KCNT2: variants seen among roughly 807,000 people sequenced by gnomAD.
The protein encoded by KCNT2 is potassium channel subfamily T member 2.
A neutral mutation model predicts 153.8 loss-of-function variants in KCNT2; 67 were observed. The observed-to-expected ratio is 0.44, with a 90% CI of 0.36 to 0.53. The LOEUF is 0.53. Ranked by LOEUF, KCNT2 falls within the 20% of genes least tolerant of loss-of-function variation. KCNT2 has a pLI of 0.00. For synonymous variants in KCNT2, 500 were observed against 458.8 expected (o/e 1.09, Z -1.15); for missense variants, 975 against 1,354.8 (o/e 0.72, Z 4.40).
intron 14 of KCNT2, among the ~76,000 whole-genome samples, chr1:196,369,550 C>T (rs1668337363): frequency 2.0e-5 from 3 of 151,214 alleles, no homozygotes; most frequent in Admixed American, 2.0e-4. Context: ...TGTTCAATTC[C>T]CACCTATGAG....
chr1:196,257,656 T>C (rs1029575202), intron 26 of KCNT2: 2 of 966,180 alleles, frequency 2.1e-6, no homozygotes, highest in African/African-American at 1.8e-5. Context: ...GGATCATATA[T>C]AGGAACTGAA....
chr1:196,430,239 C>T (rs1278817265), intron 8 of KCNT2, among the ~76,000 whole-genome samples: 1 of 151,822 alleles, frequency 6.6e-6, no homozygotes, highest in Non-Finnish European at 1.5e-5. Context: ...CTGTCCCCTC[C>T]AAAACTCATG....
chr1:196,419,752 T>A (rs1673047835), intron 12 of KCNT2, among the ~76,000 whole-genome samples: 1 of 152,030 alleles, frequency 6.6e-6, no homozygotes, highest in South Asian at 2.1e-4. Context: ...TCTGAAGACA[T>A]TCCAATTTTC....
At chr1:196,561,135 T>A (rs527828313) in intron 1 of KCNT2, among the ~76,000 whole-genome samples, 1 of 151,850 alleles carries the variant, frequency 6.6e-6, no homozygotes, top group Non-Finnish European at 1.5e-5. Context: ...ATTAAAAATG[T>A]ATAGGCCATA....
At chr1:196,354,414 ATTTATT>A (rs1667007853) in intron 14 of KCNT2, among the ~76,000 whole-genome samples, 1 of 151,782 alleles carries the variant, frequency 6.6e-6, no homozygotes, top group Non-Finnish European at 1.5e-5. Flanking sequence ...ATATATTTAT[ATTTATT>A]ATCAAACTAA....
In KCNT2 at chr1:196,509,351, G is replaced by A. The variant is rs571170782; in HGVS notation, c.96-17010C>T. ...AACAGACGAAGCTTAAATATCCACT[G>A]ACAGGGATAACTTGTGGCATATTAA... is the stretch of plus-strand genomic sequence containing the variant. On this transcript the variant is annotated intron_variant, in intron 1 of 27. Coordinates refer to ENST00000294725, the MANE Select transcript of KCNT2 (RefSeq NM_198503.5). Among the ~76,000 whole-genome samples, 6 of 150,362 alleles carry A rather than the reference G, an allele frequency of 4.0e-5. No homozygotes were observed. The East Asian group carries it at 1.2e-3, about 29-fold the overall frequency.
Position 196,592,962 on chromosome 1 carries a change from T to C in KCNT2, c.95+15253A>G, listed in dbSNP as rs944205494. 1.7e-4 allele frequency among the ~76,000 whole-genome samples: 26 copies of C among 150,558 alleles called. 1 individual carries two copies. The highest frequency in any genetic ancestry group is 1.4e-3 in the Admixed American group (21 of 15,050). On this transcript the variant is annotated intron_variant, in intron 1 of 27. Coordinates refer to ENST00000294725, the MANE Select transcript of KCNT2 (RefSeq NM_198503.5). ...TTCCATAAAATGTGGGGGGAACAGG[T>C]AGTATTTGGTTACATGAGGAAGTTC...
chr1:196,455,794 C>T (rs1490914798), intron 8 of KCNT2, among the ~76,000 whole-genome samples: 3 of 151,928 alleles, frequency 2.0e-5, no homozygotes, highest in South Asian at 2.1e-4. Flanking sequence ...CGTCTTTGCT[C>T]CTGGGGGCCA....
chr1:196,374,949 T>C (rs533345947), intron 13 of KCNT2, among the ~76,000 whole-genome samples: 1 of 151,988 alleles, frequency 6.6e-6, no homozygotes, highest in South Asian at 2.1e-4. Context: ...ATATATGCAA[T>C]GTAGCATGCA....
intron 1 of KCNT2, among the ~76,000 whole-genome samples, chr1:196,534,200 A>G (rs1402853635): frequency 6.6e-6 from 1 of 152,202 alleles, no homozygotes; most frequent in Non-Finnish European, 1.5e-5. Context: ...ATGGTTATCC[A>G]TATTTTAATG....
intron 1 of KCNT2, among the ~76,000 whole-genome samples, chr1:196,525,795 C>G (rs535015039): frequency 6.6e-6 from 1 of 151,630 alleles, no homozygotes. Flanking sequence ...TCTTAGCTAG[C>G]GTTTTATTAT....
intron 1 of KCNT2, among the ~76,000 whole-genome samples, chr1:196,558,537 T>A (rs1162497163): frequency 6.6e-6 from 1 of 151,378 alleles, no homozygotes; most frequent in East Asian, 1.9e-4. Context: ...AATTATTATG[T>A]AATTTACAAG....
chr1:196,561,519 AAC>A (rs781655198), intron 1 of KCNT2, among the ~76,000 whole-genome samples: 8 of 151,542 alleles, frequency 5.3e-5, no homozygotes, highest in Non-Finnish European at 7.4e-5. Flanking sequence ...TGATATTGTA[AAC>A]CAAAAAGTAT....
At chr1:196,467,850 C>T in intron 6 of KCNT2, 64 bp from the exon 7 acceptor site, 3 of 872,028 alleles carry the variant, frequency 3.4e-6, no homozygotes, top group Admixed American at 5.0e-5. Context: ...ACCCAGTATA[C>T]TAAAAAGAAA....
chr1:196,335,332 C>T (rs75996410), intron 16 of KCNT2, among the ~76,000 whole-genome samples: 6,911 of 152,086 alleles, frequency 0.045, 235 homozygotes, highest in South Asian at 0.084. Flanking sequence ...ATGAGGTAGC[C>T]TACTATCCTA....
chr1:196,305,227 G>A lies in KCNT2; in HGVS notation c.2595+7C>T, dbSNP rs60422157. ...AATCTAATTTACTTGATAATGTGGG[G>A]TCTTACCTTTTCCAGTTTTGAAAGA... is the stretch of plus-strand genomic sequence containing the variant. On this transcript the variant is annotated splice_region_variant and intron_variant, in intron 22 of 27. Transcript: ENST00000294725. 388 of 1,465,556 alleles carry A rather than the reference G, an allele frequency of 2.6e-4. 1 individual carries two copies. In the African/African-American group the frequency reaches 4.7e-3, roughly 18 times the overall value. 90.8% of individuals were successfully genotyped at this position (1,465,556 alleles called of 1,614,324 possible). A position where few individuals can be genotyped will look rare whatever the true frequency, so the allele number is the denominator to read the frequency against.
chr1:196,489,199 A>G (rs1192680093), intron 3 of KCNT2, among the ~76,000 whole-genome samples: 1 of 151,972 alleles, frequency 6.6e-6, no homozygotes, highest in African/African-American at 2.4e-5. Context: ...GAGGTAGAGT[A>G]GGCAAAAGTT....
At position 196,340,559 on chromosome 1, in the gene KCNT2, C is replaced by A. The variant is rs779838940; in HGVS notation, c.1565G>T (p.Cys522Phe). 1 of 1,554,256 alleles carries A rather than the reference C, an allele frequency of 6.4e-7. No homozygotes were observed. ...SFHAHKKFGV[C>F]LIGVRREDNK... ...ATCCTCCCTCCTAACACCAATCAAG[C>A]AGACGCCAAACCTTAATTTAAAAAA... Residue 522 changes from cysteine to phenylalanine, a missense_variant, in exon 16 of 28, where the codon TGC becomes TTC. Physicochemically the swap from Cys to Phe is radical, Grantham distance 205. This residue lies in a region of KCNT2 where 325 missense variants were observed against 388.1 expected (regional missense o/e 0.84). Coordinates refer to ENST00000294725, the MANE Select transcript of KCNT2 (RefSeq NM_198503.5).
intron 26 of KCNT2, among the ~76,000 whole-genome samples, chr1:196,256,709 A>AATATATATAT (rs144323772): frequency 6.2e-5 from 9 of 144,178 alleles, no homozygotes; most frequent in South Asian, 4.4e-4. Context: ...TTATCATGGA[A>AATATATATAT]ATATATATAT....
Sources: allele counts gnomAD v4.1 joint callset (sites outside exome capture counted in the v4.1 genomes callset), GRCh38; gene constraint gnomAD v4.1.1; regional missense constraint gnomAD v4.1.1; transcripts MANE v1.5; gene names NCBI Gene and HGNC (gene_info 2026-07-23, HGNC 2026-07-21).